Variants in MTA3 observed in about 807,000 individuals in gnomAD.
The protein encoded by MTA3 is metastasis associated 1 family member 3.
In MTA3, 34 loss-of-function variants were observed where a neutral mutation model predicts 83.5. The ratio of observed to expected loss-of-function variants is 0.41; its 90% CI spans 0.31 to 0.54. The LOEUF (loss-of-function observed/expected upper bound fraction) is 0.54. MTA3 is among the 20% of genes least tolerant of loss of function. MTA3 has a pLI of 0.33. For synonymous variants in MTA3, 303 were observed against 252.7 expected (o/e 1.20, Z -1.89); for missense variants, 761 against 726.4 (o/e 1.05, Z -0.55).
intron 8 of MTA3, among the ~76,000 whole-genome samples, chr2:42,679,029 T>C (rs1573590979): frequency 1.3e-5 from 2 of 152,266 alleles, no homozygotes; most frequent in South Asian, 4.1e-4. Context: ...ACAAGGAAAG[T>C]GAGTCTCAGA....
chr2:42,708,691 T>C (rs919594668), intron 13 of MTA3, among the ~76,000 whole-genome samples, 183 bp from the exon 14 acceptor site: 1 of 152,166 alleles, frequency 6.6e-6, no homozygotes, highest in African/African-American at 2.4e-5. Context: ...CCTTCTCTAC[T>C]CCCCACCTCT....
upstream of MTA3, among the ~76,000 whole-genome samples, chr2:42,566,056 C>G (rs957653604): frequency 1.3e-5 from 2 of 151,964 alleles, no homozygotes; most frequent in African/African-American, 4.8e-5. Flanking sequence ...TAGGTATCAA[C>G]CAGTAGTCAT....
At chr2:42,601,825 G>T (rs1364615462) in intron 3 of MTA3, among the ~76,000 whole-genome samples, 1 of 152,056 alleles carries the variant, frequency 6.6e-6, no homozygotes. Flanking sequence ...GATTTCAGGT[G>T]TGCACCACCA....
At chr2:42,539,577 C>CTTTTTT (rs34577240) in intron 2 of MTA3, among the ~76,000 whole-genome samples, 9 of 96,664 alleles carry the variant, frequency 9.3e-5, no homozygotes, top group Non-Finnish European at 1.4e-4. Flanking sequence ...AATTGTAAAG[C>CTTTTTT]TTTTTTTTTT....
chr2:42,633,543 C>T (rs1188781928), intron 4 of MTA3, among the ~76,000 whole-genome samples: 1 of 152,094 alleles, frequency 6.6e-6, no homozygotes, highest in Non-Finnish European at 1.5e-5. Context: ...CACGCCACTG[C>T]ACTCTGACCT....
intron 4 of MTA3, among the ~76,000 whole-genome samples, chr2:42,615,464 T>C (rs962819151): frequency 2.6e-5 from 4 of 151,966 alleles, no homozygotes; most frequent in Non-Finnish European, 5.9e-5. Context: ...CAAGCGATTC[T>C]CTTGTCTCTG....
intron 6 of MTA3, among the ~76,000 whole-genome samples, chr2:42,647,138 C>T (rs1389708578): frequency 1.7e-5 from 1 of 58,814 alleles, no homozygotes; most frequent in Non-Finnish European, 3.0e-5. Context: ...GCCTGGGTGA[C>T]AGAGTGAGAC....
chr2:42,702,500 A>C (rs1038245919), intron 11 of MTA3: 12 of 152,254 alleles, frequency 7.9e-5, no homozygotes, highest in Non-Finnish European at 1.5e-4. Context: ...GAAGACCTTG[A>C]GTCAACTCTG....
chr2:42,636,616 CTCTT>C (rs978630345), intron 4 of MTA3, among the ~76,000 whole-genome samples: 10 of 149,994 alleles, frequency 6.7e-5, no homozygotes, highest in South Asian at 4.2e-4. Flanking sequence ...AAACTTCTTT[CTCTT>C]TCTTTCTTTT....
At chr2:42,711,324 C>A (rs1013928450) in intron 14 of MTA3, among the ~76,000 whole-genome samples, 3 of 152,012 alleles carry the variant, frequency 2.0e-5, no homozygotes, top group African/African-American at 4.8e-5. Context: ...TCTTTTATCT[C>A]GTTCTAATTT....
At chr2:42,654,112 C>T (rs1323667782) in intron 6 of MTA3, among the ~76,000 whole-genome samples, 1 of 152,176 alleles carries the variant, frequency 6.6e-6, no homozygotes, top group Non-Finnish European at 1.5e-5. Flanking sequence ...TCTTTTTGGC[C>T]TAGTACTAGC....
intron 8 of MTA3, among the ~76,000 whole-genome samples, chr2:42,677,109 G>A (rs1691432185): frequency 6.6e-6 from 1 of 152,044 alleles, no homozygotes; most frequent in African/African-American, 2.4e-5. Flanking sequence ...CACAGTAAGA[G>A]ATCAACAAGA....
intron 3 of MTA3, among the ~76,000 whole-genome samples, chr2:42,580,278 G>T (rs537334863): frequency 1.6e-3 from 251 of 152,180 alleles, no homozygotes; most frequent in Non-Finnish European, 2.8e-3. Context: ...ACCATGCCCA[G>T]CCACATTTTT....
intron 9 of MTA3, among the ~76,000 whole-genome samples, chr2:42,688,027 G>A (rs538779314): frequency 2.0e-5 from 3 of 152,284 alleles, no homozygotes; most frequent in Admixed American, 6.5e-5. Flanking sequence ...TCATGCTGTC[G>A]TATTTTGCTA....
chr2:42,594,667 C>CATATATAAATAT (rs1350095035), intron 3 of MTA3, among the ~76,000 whole-genome samples: 2 of 123,830 alleles, frequency 1.6e-5, no homozygotes, highest in East Asian at 2.2e-4. Flanking sequence ...TATATATACA[C>CATATATAAATAT]ACATATATAA....
intron 9 of MTA3, among the ~76,000 whole-genome samples, chr2:42,688,212 C>T (rs540327769): frequency 7.9e-5 from 12 of 152,290 alleles, no homozygotes; most frequent in African/African-American, 2.4e-4. Flanking sequence ...ACTGGGACTA[C>T]AGGCATGTTG....
chr2:42,709,840 ACTC>A (rs1312232853), intron 14 of MTA3, among the ~76,000 whole-genome samples: 10 of 151,586 alleles, frequency 6.6e-5, no homozygotes, highest in Admixed American at 3.9e-4. Flanking sequence ...ATGACTTACT[ACTC>A]TTATTTTCAA....
intron 9 of MTA3, among the ~76,000 whole-genome samples, chr2:42,684,138 T>C (rs1001752462): frequency 6.6e-6 from 1 of 152,218 alleles, no homozygotes; most frequent in African/African-American, 2.4e-5. Flanking sequence ...GTTTTGTCTT[T>C]GTGTTTATGG....
At chr2:42,676,370 A>G (rs1573580644) in intron 8 of MTA3, among the ~76,000 whole-genome samples, 1 of 152,258 alleles carries the variant, frequency 6.6e-6, no homozygotes, top group Non-Finnish European at 1.5e-5. Flanking sequence ...TAACATGAAC[A>G]CAAAACTGAA....
Sources: gnomAD v4.1 joint callset for allele counts (sites outside exome capture counted in the v4.1 genomes callset) on GRCh38, gnomAD v4.1.1 for gene constraint, MANE v1.5 for transcripts, NCBI Gene and HGNC (gene_info 2026-07-23, HGNC 2026-07-21) for gene names.